Variants in OPA3 observed in about 807,000 individuals in gnomAD.
OPA3 encodes outer mitochondrial membrane lipid metabolism regulator OPA3.
Under a neutral mutation model 4.0 loss-of-function variants are expected in OPA3, and 6 were observed. That is an observed-to-expected ratio of 1.51 (90% CI 0.83 to 2.99). OPA3 has a LOEUF of 2.99. Among genes scored for constraint, OPA3 ranks in the 30% most tolerant of loss-of-function variants. The pLI is 0.00. For synonymous variants in OPA3, 105 were observed against 117.1 expected (o/e 0.90, Z 0.67); for missense variants, 235 against 256.2 (o/e 0.92, Z 0.56).
chr19:45,573,254 A>G (rs1210412576), intron 1 of OPA3, among the ~76,000 whole-genome samples: 1 of 151,816 alleles, frequency 6.6e-6, no homozygotes, highest in Non-Finnish European at 1.5e-5. Context: ...CTGTGTCCCC[A>G]CCCAAATCTC....
intron 1 of OPA3, chr19:45,584,392 G>A: frequency 3.0e-6 from 3 of 985,268 alleles, no homozygotes; most frequent in Non-Finnish European, 3.6e-6. Flanking sequence ...TCCTTTATCG[G>A]CTGGCATTTC....
rs186154723 is a variant in OPA3 at position 45,577,559 on chromosome 19, C to T, written c.142+7064G>A. 3.8e-3 allele frequency among the ~76,000 whole-genome samples: 575 copies of T among 152,326 alleles called. 3 individuals carry two copies. The highest frequency in any genetic ancestry group is 3.7e-3 in the Non-Finnish European group (250 of 68,032). ...GGTCTTTCTGTCCAACCTGCCCCTC[C>T]TCCAGTCGGCTGTCTCACACCCAAT... On this transcript the variant is annotated intron_variant, in intron 1 of 1. Transcript: ENST00000263275.
intron 1 of OPA3, among the ~76,000 whole-genome samples, chr19:45,540,006 T>C (rs1303054274): frequency 6.6e-6 from 1 of 152,090 alleles, no homozygotes; most frequent in African/African-American, 2.4e-5. Context: ...CTGAAAATCA[T>C]CAAATCGTAC....
At chr19:45,580,649 C>T (rs1969841006) in intron 1 of OPA3, among the ~76,000 whole-genome samples, 1 of 148,196 alleles carries the variant, frequency 6.7e-6, no homozygotes, top group South Asian at 2.2e-4. Flanking sequence ...GACAGAGTCT[C>T]GCTCTGTCGC....
intron 1 of OPA3, among the ~76,000 whole-genome samples, chr19:45,582,030 C>G (rs565513220): frequency 1.3e-5 from 2 of 152,222 alleles, no homozygotes; most frequent in East Asian, 3.9e-4. Context: ...AACTCCTGAC[C>G]TCATGATCCA....
chr19:45,552,323 T>A lies in OPA3; in HGVS notation c.*1191A>T. 2.5e-6 allele frequency: 1 copy of A among 401,622 alleles called. No individual in the cohort carries two copies. Among genetic ancestry groups the A allele is most frequent in the Non-Finnish European group, 3.4e-6 (1 of 296,616 alleles). 24.9% of individuals were successfully genotyped at this position (401,622 alleles called of 1,614,324 possible). A position where few individuals can be genotyped will look rare whatever the true frequency, so the allele number is the denominator to read the frequency against. On this transcript the variant is annotated 3_prime_UTR_variant, in exon 2 of 2. Transcript: ENST00000263275. ...CCCGGGTTCAAGCAATTCTCCTGTC[T>A]CAGCCTCCCAAGTAGCTGGGATTAC...
At chr19:45,581,081 A>C (rs1258545589) in intron 1 of OPA3, among the ~76,000 whole-genome samples, 1 of 151,916 alleles carries the variant, frequency 6.6e-6, no homozygotes, top group African/African-American at 2.4e-5. Context: ...CAACACCTCC[A>C]TTTTCCCTTC....
chr19:45,534,161 G>A (rs576985026), intron 1 of OPA3, among the ~76,000 whole-genome samples: 5 of 152,310 alleles, frequency 3.3e-5, no homozygotes, highest in East Asian at 3.9e-4. Context: ...GACTAAAGGA[G>A]AGCCTCCTGA....
chr19:45,541,016 T>C (rs185776101), intron 1 of OPA3, among the ~76,000 whole-genome samples: 22 of 152,228 alleles, frequency 1.4e-4, no homozygotes, highest in Admixed American at 7.2e-4. Context: ...CTCTGTTGCA[T>C]TGGGGAAGCG....
rs534780094 is a variant in OPA3 at position 45,550,655 on chromosome 19, T to C, written c.*2859A>G. On this transcript the variant is annotated 3_prime_UTR_variant, in exon 2 of 2. Coordinates refer to ENST00000263275, the MANE Select transcript of OPA3 (RefSeq NM_025136.4). Reference sequence around the variant, plus strand: ...CCCTGGCCTTAGTTTCCCCAGCTCATAGGGTGACTCTTGGGCCTCTCCCCA... The same window carrying C: ...CCCTGGCCTTAGTTTCCCCAGCTCACAGGGTGACTCTTGGGCCTCTCCCCA... 37 of 986,030 alleles carry C rather than the reference T, an allele frequency of 3.8e-5. No homozygotes were observed. The South Asian group carries it at 1.1e-3, about 30-fold the overall frequency. 61.1% of individuals were successfully genotyped at this position (986,030 alleles called of 1,614,324 possible).
At chr19:45,577,142 A>C (rs1261510474) in intron 1 of OPA3, among the ~76,000 whole-genome samples, 1 of 152,230 alleles carries the variant, frequency 6.6e-6, no homozygotes, top group Non-Finnish European at 1.5e-5. Context: ...AAACAAAGGA[A>C]TTCTGTGTTT....
chr19:45,547,291 AG>A lies in OPA3; in HGVS notation c.*6222del. ...AGGGGATGGTAAACTTTTTCTGTAA[AG>A]GGCCAGAGAGTACGAGAGCCCTAGG... On this transcript the variant is annotated 3_prime_UTR_variant, in exon 2 of 2. Transcript: ENST00000263275. 1 of 152,288 alleles carries A rather than the reference AG, an allele frequency of 6.6e-6. No individual in the cohort carries two copies. Among genetic ancestry groups the A allele is most frequent in the Middle Eastern group, 3.4e-3 (1 of 294 alleles). 9.4% of individuals were successfully genotyped at this position (152,288 alleles called of 1,614,324 possible). A position where few individuals can be genotyped will look rare whatever the true frequency, so the allele number is the denominator to read the frequency against.
Position 45,548,289 on chromosome 19 carries a change from G to A in OPA3, c.*5225C>T. On this transcript the variant is annotated 3_prime_UTR_variant, in exon 2 of 2. Transcript: ENST00000263275. ...TATGTAAAGCCCATTTTCTCCTGGG[G>A]TGGCTCTCAGCCATTTTGCCTCCCT... is the stretch of plus-strand genomic sequence containing the variant. 4 of 985,470 alleles carry A rather than the reference G, an allele frequency of 4.1e-6. No individual in the cohort carries two copies. Among genetic ancestry groups the A allele is most frequent in the African/African-American group, 1.7e-5 (1 of 57,360 alleles). 61.0% of individuals were successfully genotyped at this position (985,470 alleles called of 1,614,324 possible). A position where few individuals can be genotyped will look rare whatever the true frequency, so the allele number is the denominator to read the frequency against.
chr19:45,541,405 T>C (rs1347664478), downstream of OPA3, among the ~76,000 whole-genome samples: 3 of 152,098 alleles, frequency 2.0e-5, no homozygotes, highest in East Asian at 5.8e-4. Flanking sequence ...GGATACAGAG[T>C]CACCCCTCAT....
Position 45,530,701 on chromosome 19 carries a change from C to T in OPA3, c.143-1245G>A, listed in dbSNP as rs531253459. On this transcript the variant is annotated intron_variant, in intron 1 of 1. Transcript: ENST00000323060. ...CTCAAACTCCTGACCTCAAGTGATCCGCCTGCTTCAGCCTCCCAAAGTGCT... is the reference window on the plus strand; with the variant it reads ...CTCAAACTCCTGACCTCAAGTGATCTGCCTGCTTCAGCCTCCCAAAGTGCT... Among the ~76,000 whole-genome samples the T allele has an allele frequency of 1.2e-4, 18 of 152,038 alleles. No individual in the cohort carries two copies. In the South Asian group the frequency reaches 1.2e-3, roughly 11 times the overall value.
chr19:45,529,020 C>T, exon 2 of OPA3: 1 of 1,585,108 alleles, frequency 6.3e-7, no homozygotes, highest in South Asian at 1.1e-5. Context: ...GCAGTCCAGA[C>T]AGCAGTCACC....
intron 1 of OPA3, among the ~76,000 whole-genome samples, chr19:45,583,166 T>C (rs952396641): frequency 3.9e-5 from 6 of 152,138 alleles, no homozygotes; most frequent in Non-Finnish European, 8.8e-5. Flanking sequence ...TTTTTTTTTT[T>C]TGGAGACGGA....
rs558412882 is a variant in OPA3 at position 45,553,560 on chromosome 19, T to C, written c.494A>G (p.Asn165Ser). ...ELQEVRAQLC[N>S]PGRSASHAVP... is the part of the protein sequence containing the mutation. ...TGCGTGGGAAGCGGACCGGCCGGGA[T>C]TGCAGAGCTGGGCGCGCACCTCTTG... Residue 165 changes from asparagine to serine, a missense_variant, in exon 2 of 2, where the codon AAT becomes AGT. Coordinates refer to ENST00000263275, the MANE Select transcript of OPA3 (RefSeq NM_025136.4). 1.8e-5 allele frequency: 29 copies of C among 1,613,296 alleles called. No individual in the cohort carries two copies. Among genetic ancestry groups the C allele is most frequent in the African/African-American group, 1.6e-4 (12 of 75,064 alleles).
rs2122438899 is a variant in OPA3, at chr19:45,553,629, G to A, written c.425C>T (p.Ala142Val). The change falls in exon 2 of 2, where the codon GCG becomes GTG. Residue 142 changes from alanine (A) to valine (V), a missense_variant. Transcript: ENST00000263275. ...ALEALQAQVQAAPPQGALEEL... is the reference protein window; with the variant it reads ...ALEALQAQVQVAPPQGALEEL... ...CTCCAGGGCGCCCTGTGGCGGCGCC[G>A]CCTGCACCTGCGCCTGCAGCGCTTC... The A allele has an allele frequency of 6.2e-7, 1 of 1,606,194 alleles. No individual in the cohort carries two copies. The highest frequency in any genetic ancestry group is 8.5e-7 in the Non-Finnish European group (1 of 1,178,470).
Sources: allele counts gnomAD v4.1 joint callset (sites outside exome capture counted in the v4.1 genomes callset), GRCh38; gene constraint gnomAD v4.1.1; transcripts MANE v1.5; gene names NCBI Gene and HGNC (gene_info 2026-07-23, HGNC 2026-07-21).